LRRC7: variants seen among roughly 807,000 people sequenced by gnomAD.
LRRC7 encodes the protein leucine-rich repeat-containing protein 7.
LRRC7 carries 23 observed loss-of-function variants against 175.7 expected under a neutral mutation model. The observed-to-expected ratio is 0.13, with a 90% CI of 0.09 to 0.19. The LOEUF (loss-of-function observed/expected upper bound fraction) is 0.19. Among genes scored for constraint, LRRC7 ranks in the 10% least tolerant of loss-of-function variants. The pLI is 1.00. For missense variants in LRRC7, 1,354 were observed against 1,904.7 expected (o/e 0.71, Z 5.38); for synonymous variants, 685 against 680.9 (o/e 1.01, Z -0.09).
chr1:69,740,365 A>G (rs1480248336), intron 2 of LRRC7, among the ~76,000 whole-genome samples: 2 of 151,952 alleles, frequency 1.3e-5, no homozygotes, highest in Admixed American at 6.6e-5. Flanking sequence ...TTCTTCCTCT[A>G]CTTATAAGGA....
chr1:69,681,774 C>T (rs867054864), intron 2 of LRRC7, among the ~76,000 whole-genome samples: 2 of 152,266 alleles, frequency 1.3e-5, no homozygotes, highest in Non-Finnish European at 2.9e-5. Flanking sequence ...CTCCCACTCA[C>T]TCCTCCAAAC....
At position 69,746,086 on chromosome 1, in the gene LRRC7, T is replaced by C. The variant is rs574775428; in HGVS notation, c.101-14105T>C. On this transcript the variant is annotated intron_variant, in intron 2 of 26. Transcript: ENST00000651989. ...ACATGATCTAGTAGCTAATAGTGTATTTTCTAGGGTAATGTAACTTCTATT... is the reference window on the plus strand; with the variant it reads ...ACATGATCTAGTAGCTAATAGTGTACTTTCTAGGGTAATGTAACTTCTATT... Among the ~76,000 whole-genome samples, 3 of 152,004 alleles carry C rather than the reference T, an allele frequency of 2.0e-5. No individual in the cohort carries two copies. The South Asian group carries it at 6.2e-4, about 32-fold the overall frequency.
chr1:69,722,848 A>G (rs554445547), intron 2 of LRRC7, among the ~76,000 whole-genome samples: 2 of 152,174 alleles, frequency 1.3e-5, no homozygotes, highest in African/African-American at 4.8e-5. Context: ...TATATACCAT[A>G]TATGGTATAC....
At chr1:69,900,090 G>A (rs758441872) in intron 7 of LRRC7, among the ~76,000 whole-genome samples, 14 of 152,068 alleles carry the variant, frequency 9.2e-5, no homozygotes, top group South Asian at 2.1e-4. Context: ...ATTTAAAAAC[G>A]TAAAAACCAT....
chr1:69,986,513 C>T lies in LRRC7; in HGVS notation c.931+127C>T. The T allele has an allele frequency of 7.5e-6, 5 of 669,330 alleles. No individual in the cohort carries two copies. The South Asian group carries it at 1.9e-4, about 25-fold the overall frequency. The allele number at this position is 669,330 out of a possible 1,614,324, so 41.5% of individuals were successfully genotyped here. ...TGATGTTAATAAATTTTAAAATGTG[C>T]TATGGAAATCATAAAATAGTATCTA... On this transcript the variant is annotated intron_variant, in intron 10 of 26. Coordinates refer to ENST00000651989, the MANE Select transcript of LRRC7 (RefSeq NM_001370785.2).
At chr1:70,028,735 A>C (rs933430522) in intron 18 of LRRC7, among the ~76,000 whole-genome samples, 1 of 152,134 alleles carries the variant, frequency 6.6e-6, no homozygotes, top group Non-Finnish European at 1.5e-5. Flanking sequence ...TATTATGCAA[A>C]TCTCATAAAA....
chr1:69,575,944 A>G (rs748127117), intron 1 of LRRC7, among the ~76,000 whole-genome samples: 16 of 152,092 alleles, frequency 1.1e-4, no homozygotes, highest in Non-Finnish European at 2.1e-4. Flanking sequence ...AGTTTTTTGC[A>G]TTATTAAGTT....
chr1:69,946,677 T>TTTTTTTTTTTTTTTTTG (rs1553179450), intron 8 of LRRC7, among the ~76,000 whole-genome samples: 2 of 151,842 alleles, frequency 1.3e-5, no homozygotes, highest in East Asian at 1.9e-4. Context: ...TGACAGTTTT[T>TTTTTTTTTTTTTTTTTG]AAAGTCTAAT....
chr1:69,882,031 CA>C (rs1686667454), intron 7 of LRRC7, among the ~76,000 whole-genome samples: 1 of 104,174 alleles, frequency 9.6e-6, no homozygotes, highest in Non-Finnish European at 2.1e-5. Context: ...AAAAAGCAAA[CA>C]AAAAATAACC....
intron 8 of LRRC7, among the ~76,000 whole-genome samples, chr1:69,968,930 T>A (rs1347320094): frequency 6.6e-6 from 1 of 152,064 alleles, no homozygotes; most frequent in Admixed American, 6.6e-5. Flanking sequence ...ACCATTCTCT[T>A]GACTCAGCCT....
At chr1:69,988,899 A>G (rs1654179007) in intron 10 of LRRC7, among the ~76,000 whole-genome samples, 1 of 152,196 alleles carries the variant, frequency 6.6e-6, no homozygotes, top group Admixed American at 6.6e-5. Flanking sequence ...CACCCTCACA[A>G]ATGAGCTTGC....
rs147027960 is a variant in LRRC7 at position 69,708,406 on chromosome 1, C to T, written c.100+29928C>T. Among the ~76,000 whole-genome samples, 129 of 152,236 alleles carry T rather than the reference C, an allele frequency of 8.5e-4. No homozygotes were observed. The Middle Eastern group carries it at 0.014, about 16-fold the overall frequency. ...TATTAGGCTTAGGCATACTGACCAT[C>T]GAGTTCCTTAAAATATACCACATAC... On this transcript the variant is annotated intron_variant, in intron 2 of 26. Transcript: ENST00000651989.
intron 2 of LRRC7, among the ~76,000 whole-genome samples, chr1:69,703,364 G>C (rs773557237): frequency 6.6e-6 from 1 of 151,804 alleles, no homozygotes; most frequent in Non-Finnish European, 1.5e-5. Flanking sequence ...TAATACTATA[G>C]TTTTACATTT....
intron 1 of LRRC7, among the ~76,000 whole-genome samples, chr1:69,649,976 C>T (rs1391663954): frequency 6.6e-6 from 1 of 152,018 alleles, no homozygotes; most frequent in Non-Finnish European, 1.5e-5. Context: ...TGATGACAGG[C>T]AAGCATGCGA....
intron 1 of LRRC7, among the ~76,000 whole-genome samples, chr1:69,576,709 A>G (rs1018230896): frequency 5.9e-5 from 9 of 152,334 alleles, no homozygotes; most frequent in African/African-American, 2.2e-4. Flanking sequence ...CACATTAGCT[A>G]TGCTTTTCAT....
intron 8 of LRRC7, among the ~76,000 whole-genome samples, chr1:69,931,997 G>A (rs901378531): frequency 3.9e-5 from 6 of 152,206 alleles, no homozygotes; most frequent in African/African-American, 1.4e-4. Context: ...TTGCATGAGA[G>A]AAGTAAGTCA....
intron 23 of LRRC7, among the ~76,000 whole-genome samples, chr1:70,056,837 T>C (rs568460088): frequency 1.3e-5 from 2 of 152,130 alleles, no homozygotes; most frequent in Non-Finnish European, 2.9e-5. Context: ...CAAGGGAAAG[T>C]AACACTTTGG....
chr1:69,627,618 A>C (rs2487765), intron 1 of LRRC7, among the ~76,000 whole-genome samples: 149,374 of 152,144 alleles, frequency 0.98, 73,388 homozygotes, highest in Middle Eastern at 1. Flanking sequence ...TTTGCCATTG[A>C]TTTTGGTGTT....
rs114159300 is a variant in LRRC7, at chr1:69,985,887, G to A, written c.787-355G>A. ...TTGATTTATGTGTTCATCAGTTGAC[G>A]GACATTTGGGTTGTCACCAATTTTT... On this transcript the variant is annotated intron_variant, in intron 9 of 26. Transcript: ENST00000651989. Among the ~76,000 whole-genome samples the A allele has an allele frequency of 1.4e-3, 208 of 152,032 alleles. 1 individual carries two copies. Among genetic ancestry groups the A allele is most frequent in the Admixed American group, 2.7e-3 (41 of 15,256 alleles).
Sources: gnomAD v4.1 joint callset for allele counts (sites outside exome capture counted in the v4.1 genomes callset) on GRCh38, gnomAD v4.1.1 for gene constraint, MANE v1.5 for transcripts, NCBI Gene and HGNC (gene_info 2026-07-23, HGNC 2026-07-21) for gene names.